The following TSBP1 variants were observed in gnomAD, a reference collection of about 807,000 sequenced individuals.
TSBP1 encodes testis-expressed basic protein 1.
Under a neutral mutation model 68.8 loss-of-function variants are expected in TSBP1, and 56 were observed. That is an observed-to-expected ratio of 0.81 (90% CI 0.66 to 1.02). The LOEUF is 1.02. TSBP1 is among the 50% of genes least tolerant of loss of function. The pLI is 0.00. For synonymous variants in TSBP1, 171 were observed against 208.7 expected, an observed-to-expected ratio of 0.82 and a Z score of 1.56; for missense variants, 502 against 641.2, an observed-to-expected ratio of 0.78 and a Z score of 2.34.
In TSBP1 at chr6:32,367,970, G is replaced by C; in HGVS notation, c.134-13C>G. On this transcript the variant is annotated splice_polypyrimidine_tract_variant and intron_variant, in intron 3 of 22. Coordinates refer to ENST00000612031, the Ensembl canonical transcript of TSBP1. ...AGAAGTCTAGCACCTAGAAAAAAAG[G>C]GAGAGCACATGATTTTGCTTCTTGA... is the stretch of plus-strand genomic sequence containing the variant. The C allele has an allele frequency of 6.2e-7, 1 of 1,602,220 alleles. No individual in the cohort carries two copies. The highest frequency in any genetic ancestry group is 1.7e-5 in the Admixed American group (1 of 58,706).
exon 1 of TSBP1, chr6:32,371,823 C>T (rs780980044): frequency 6.8e-6 from 8 of 1,173,566 alleles, no homozygotes; most frequent in African/African-American, 1.5e-5. Flanking sequence ...ACTTGGGTGT[C>T]AGGGAGGCCC....
chr6:32,345,063 C>T (rs1770840994), intron 9 of TSBP1, among the ~76,000 whole-genome samples: 2 of 152,076 alleles, frequency 1.3e-5, no homozygotes, highest in Admixed American at 1.3e-4. Context: ...ACTATGTTGT[C>T]CAGGCTGGTC....
chr6:32,318,463 A>G (rs1767212626), intron 18 of TSBP1, among the ~76,000 whole-genome samples: 1 of 152,218 alleles, frequency 6.6e-6, no homozygotes, highest in Admixed American at 6.5e-5. Context: ...ATAAAAATAA[A>G]GAAAGCAAGT....
rs1267404287 is a variant in TSBP1 at position 32,321,255 on chromosome 6, C to A, written c.559+1862G>T. ...CTATCCAAAAAGCAGGTGGTATAAT[C>A]CCTAGTTACTTTTGCGTGCTTTTTT... On this transcript the variant is annotated intron_variant, in intron 18 of 22. Transcript: ENST00000612031. The surrounding 1 kb of genome is among the most constrained non-coding windows in gnomAD (Gnocchi z 4.3). 6.6e-6 allele frequency among the ~76,000 whole-genome samples: 1 copy of A among 152,058 alleles called. No individual in the cohort carries two copies.
intron 16 of TSBP1, chr6:32,323,995 T>G: frequency 4.3e-6 from 1 of 234,996 alleles, no homozygotes; most frequent in Non-Finnish European, 8.4e-6. Flanking sequence ...TTGCTCAAAT[T>G]GTCTTTCAGT....
intron 6 of TSBP1, among the ~76,000 whole-genome samples, chr6:32,364,660 T>G (rs1237124929): frequency 6.6e-6 from 1 of 152,202 alleles, no homozygotes; most frequent in Admixed American, 6.5e-5. Context: ...TTGTGTTGTC[T>G]TGTAGCTCAC....
At chr6:32,370,023 C>T in intron 1 of TSBP1, 40 bp from the exon 2 acceptor site, 2 of 1,332,000 alleles carry the variant, frequency 1.5e-6, no homozygotes, top group Non-Finnish European at 2.2e-6. Flanking sequence ...CTTATTTAGA[C>T]CAGGAAATTA....
At chr6:32,327,066 T>C (rs504203) in intron 16 of TSBP1, among the ~76,000 whole-genome samples, 50,994 of 152,144 alleles carry the variant, frequency 0.34, 9,656 homozygotes, top group Middle Eastern at 0.52. Flanking sequence ...CTATAAACTT[T>C]GGGTAGTTTC....
intron 16 of TSBP1, among the ~76,000 whole-genome samples, chr6:32,326,451 A>G (rs1390049380): frequency 2.6e-5 from 4 of 152,104 alleles, no homozygotes; most frequent in Non-Finnish European, 5.9e-5. Context: ...TTTTGCACCC[A>G]TGCTGTTTAT....
rs1452997170 is a variant in TSBP1 at position 32,365,438 on chromosome 6, C to T, written c.217+729G>A. 2.2e-6 allele frequency: 1 copy of T among 456,890 alleles called. No individual in the cohort carries two copies. The highest frequency in any genetic ancestry group is 4.4e-6 in the Non-Finnish European group (1 of 227,044). The allele number at this position is 456,890 out of a possible 1,614,324, so 28.3% of individuals were successfully genotyped here. A position where few individuals can be genotyped will look rare whatever the true frequency, so the allele number is the denominator to read the frequency against. ...AAGGCATGCCTGTGGGTCAGTAGTGCAAGGAGCATAGGTCACGCATCTCAA... is the reference window on the plus strand; with the variant it reads ...AAGGCATGCCTGTGGGTCAGTAGTGTAAGGAGCATAGGTCACGCATCTCAA... On this transcript the variant is annotated intron_variant, in intron 6 of 22. Coordinates refer to ENST00000612031, the Ensembl canonical transcript of TSBP1. This position sits in a 1 kb window ranked among gnomAD's most constrained non-coding sequence, Gnocchi z 4.3.
intron 20 of TSBP1, among the ~76,000 whole-genome samples, chr6:32,301,086 T>C (rs987179763): frequency 6.6e-6 from 1 of 152,108 alleles, no homozygotes; most frequent in Non-Finnish European, 1.5e-5. Context: ...TGCAGTGCAG[T>C]GGCATGAACA....
chr6:32,311,090 A>G (rs1163774051), intron 19 of TSBP1, among the ~76,000 whole-genome samples: 1 of 150,358 alleles, frequency 6.7e-6, no homozygotes, highest in Non-Finnish European at 1.5e-5. Flanking sequence ...GTGCTGCGAG[A>G]CCCCCCCTTT....
In TSBP1 at chr6:32,333,869, A is replaced by ATT; in HGVS notation, c.472+1566_472+1567dup. 1.3e-5 allele frequency: 2 copies of ATT among 159,082 alleles called. No homozygotes were observed. The highest frequency in any genetic ancestry group is 2.8e-5 in the Non-Finnish European group (2 of 70,632). The allele number at this position is 159,082 out of a possible 1,614,324, so 9.9% of individuals were successfully genotyped here. A position where few individuals can be genotyped will look rare whatever the true frequency, so the allele number is the denominator to read the frequency against. On this transcript the variant is annotated intron_variant, in intron 14 of 22. Coordinates refer to ENST00000612031, the Ensembl canonical transcript of TSBP1. This position sits in a 1 kb window ranked among gnomAD's most constrained non-coding sequence, Gnocchi z 4.2. The stretch of plus-strand genomic sequence containing the variant: ...ATAATCCTCGAACTTTTAACTCTGA[A>ATT]TTTTTTTTTTCCTGTGTAAAACACC...
intron 22 of TSBP1, among the ~76,000 whole-genome samples, chr6:32,295,614 G>C (rs905520517): frequency 6.6e-6 from 1 of 151,968 alleles, no homozygotes; most frequent in Non-Finnish European, 1.5e-5. Flanking sequence ...TGTAAAATGG[G>C]GGCAATAGTA....
At chr6:32,305,176 G>A (rs1295911762) in intron 19 of TSBP1, among the ~76,000 whole-genome samples, 3 of 152,206 alleles carry the variant, frequency 2.0e-5, no homozygotes, top group South Asian at 4.1e-4. Context: ...AACAGGACCC[G>A]TTTAGGATTA....
chr6:32,367,828 C>T, intron 4 of TSBP1, 97 bp downstream of exon 4: 1 of 869,314 alleles, frequency 1.2e-6, no homozygotes, highest in South Asian at 1.7e-5. Context: ...GAAAGATATG[C>T]TGACTCAACA....
At chr6:32,311,351 T>C (rs1583006012) in intron 19 of TSBP1, among the ~76,000 whole-genome samples, 1 of 152,178 alleles carries the variant, frequency 6.6e-6, no homozygotes, top group African/African-American at 2.4e-5. Context: ...AGTATATGCT[T>C]GGATGGGGGG....
rs1294644970 is a variant in TSBP1 at position 32,304,454 on chromosome 6, C to T, written c.581-1825G>A. On this transcript the variant is annotated intron_variant, in intron 19 of 22. Coordinates refer to ENST00000612031, the Ensembl canonical transcript of TSBP1. The surrounding 1 kb of genome is among the most constrained non-coding windows in gnomAD (Gnocchi z 4.8). ...AGACCTTTGGGAAACATTAAATCTT[C>T]TAGGAATATGCTATCTCTTATTAAG... Among the ~76,000 whole-genome samples, 3 of 152,084 alleles carry T rather than the reference C, an allele frequency of 2.0e-5. No individual in the cohort carries two copies. The highest frequency in any genetic ancestry group is 7.2e-5 in the African/African-American group (3 of 41,406).
intron 15 of TSBP1, among the ~76,000 whole-genome samples, chr6:32,330,908 T>C (rs1768939231): frequency 6.6e-6 from 1 of 152,134 alleles, no homozygotes; most frequent in Non-Finnish European, 1.5e-5. Flanking sequence ...TGACCTCAGG[T>C]GATCCTTGGC....
Sources: allele counts gnomAD v4.1 joint callset (sites outside exome capture counted in the v4.1 genomes callset), GRCh38; gene constraint gnomAD v4.1.1; non-coding constraint Gnocchi (gnomAD v3.1); transcripts MANE v1.5; gene names NCBI Gene and HGNC (gene_info 2026-07-23, HGNC 2026-07-21).